Variants in FAM135B observed in about 807,000 individuals in gnomAD.
The protein encoded by FAM135B is family with sequence similarity 135 member B.
FAM135B carries 43 observed loss-of-function variants against 127.7 expected under a neutral mutation model. That is an observed-to-expected ratio of 0.34 (90% CI 0.26 to 0.43). The LOEUF (loss-of-function observed/expected upper bound fraction) is 0.43, where lower values mean the gene tolerates loss of function less well. Among genes scored for constraint, FAM135B ranks in the 20% least tolerant of loss-of-function variants. FAM135B has a pLI of 1.00. For missense variants in FAM135B, 1,558 were observed against 1,725.6 expected (o/e 0.90, Z 1.72); for synonymous variants, 670 against 665.1 (o/e 1.01, Z -0.11).
At chr8:138,187,163 T>C (rs1450538046) in intron 9 of FAM135B, among the ~76,000 whole-genome samples, 1 of 152,232 alleles carries the variant, frequency 6.6e-6, no homozygotes, top group African/African-American at 2.4e-5. Flanking sequence ...TTTCCTTGTA[T>C]GGTATTGTGA....
Position 138,170,755 on chromosome 8 carries a change from T to C in FAM135B, c.1104-2706A>G, listed in dbSNP as rs114402435. The stretch of plus-strand genomic sequence containing the variant: ...TGTGGATTAGAATGACTGGGCTGCC[T>C]CAGGGGTGTCTGTGAGGGTGTCTCT... On this transcript the variant is annotated intron_variant, in intron 11 of 19. Coordinates refer to ENST00000395297, the MANE Select transcript of FAM135B (RefSeq NM_015912.4). Among the ~76,000 whole-genome samples the C allele has an allele frequency of 6.7e-3, 1,027 of 152,282 alleles. 9 individuals are homozygous for C. The highest frequency in any genetic ancestry group is 0.023 in the African/African-American group (943 of 41,570).
intron 3 of FAM135B, among the ~76,000 whole-genome samples, chr8:138,304,464 G>T (rs904755098): frequency 6.6e-6 from 1 of 152,206 alleles, no homozygotes; most frequent in South Asian, 2.1e-4. Flanking sequence ...TGCGAAGGAC[G>T]TTCAGTTGAG....
intron 3 of FAM135B, among the ~76,000 whole-genome samples, chr8:138,297,876 T>C (rs1030431698): frequency 2.6e-5 from 4 of 152,218 alleles, no homozygotes; most frequent in Non-Finnish European, 4.4e-5. Context: ...GCCAGCTGCA[T>C]GGCAGGGCCA....
At chr8:138,378,562 C>T (rs2131273046) in intron 1 of FAM135B, among the ~76,000 whole-genome samples, 1 of 152,356 alleles carries the variant, frequency 6.6e-6, no homozygotes, top group Non-Finnish European at 1.5e-5. Context: ...CCCTCACCAA[C>T]TCTGAGGTTC....
At position 138,152,815 on chromosome 8, in the gene FAM135B, T is replaced by C. The variant is rs1184426819; in HGVS notation, c.1660A>G (p.Ile554Val). 6.2e-7 allele frequency: 1 copy of C among 1,614,178 alleles called. No individual in the cohort carries two copies. Among genetic ancestry groups the C allele is most frequent in the South Asian group, 1.1e-5 (1 of 91,078 alleles). The part of the protein sequence containing the change: ...EDGQAPVLTY[I>V]DVKSSNKNPS... ...TTCTTATTGCTAGATTTTACGTCAA[T>C]GTAGGTCAGCACTGGGGCCTGTCCA... is the stretch of plus-strand genomic sequence containing the variant. The change falls in exon 13 of 20, where the codon ATT becomes GTT. Residue 554 changes from isoleucine to valine, a missense_variant. Physicochemically the swap from Ile to Val is conservative, Grantham distance 29. Transcript: ENST00000395297.
At chr8:138,409,806 C>T (rs534171133) in intron 1 of FAM135B, among the ~76,000 whole-genome samples, 15 of 142,570 alleles carry the variant, frequency 1.1e-4, no homozygotes, top group African/African-American at 3.7e-4. Context: ...ACTCAAGAGG[C>T]GGAGCTTGCA....
intron 3 of FAM135B, among the ~76,000 whole-genome samples, chr8:138,301,537 CT>C (rs1398726382): frequency 6.6e-6 from 1 of 151,854 alleles, no homozygotes; most frequent in Non-Finnish European, 1.5e-5. Context: ...TCCTTTTGTT[CT>C]TTGCTCCGAG....
rs1452132606 is a variant in FAM135B at position 138,405,241 on chromosome 8, T to C, written c.-19-37239A>G. On this transcript the variant is annotated intron_variant, in intron 1 of 19. Coordinates refer to ENST00000395297, the MANE Select transcript of FAM135B (RefSeq NM_015912.4). ...TTTTTTTTCTTCTTATTATTATACT[T>C]TAAGTTTTAGGGTACAAGTGCACAA... Among the ~76,000 whole-genome samples the C allele has an allele frequency of 2.6e-5, 4 of 152,002 alleles. No homozygotes were observed. In the East Asian group the frequency reaches 7.7e-4, roughly 29 times the overall value.
At chr8:138,186,476 C>T (rs932353346) in intron 9 of FAM135B, among the ~76,000 whole-genome samples, 5 of 152,144 alleles carry the variant, frequency 3.3e-5, no homozygotes, top group South Asian at 2.1e-4. Context: ...CAGGAGCTGG[C>T]GATGCTCTAC....
At chr8:138,197,963 T>G (rs1816796180) in intron 7 of FAM135B, among the ~76,000 whole-genome samples, 1 of 152,166 alleles carries the variant, frequency 6.6e-6, no homozygotes, top group Non-Finnish European at 1.5e-5. Context: ...TAACGAATGA[T>G]CATGAAGGTG....
intron 1 of FAM135B, among the ~76,000 whole-genome samples, chr8:138,418,576 C>G (rs1192634595): frequency 6.6e-6 from 1 of 151,886 alleles, no homozygotes; most frequent in African/African-American, 2.4e-5. Context: ...AAAAGGATCT[C>G]CATCAGACTA....
intron 1 of FAM135B, among the ~76,000 whole-genome samples, chr8:138,427,548 C>T (rs894557293): frequency 6.6e-6 from 1 of 151,944 alleles, no homozygotes; most frequent in Non-Finnish European, 1.5e-5. Flanking sequence ...AATTTGAAAA[C>T]TTAACACTGC....
At chr8:138,285,492 G>A (rs1042983504) in intron 3 of FAM135B, among the ~76,000 whole-genome samples, 1 of 152,070 alleles carries the variant, frequency 6.6e-6, no homozygotes, top group Non-Finnish European at 1.5e-5. Flanking sequence ...GGTTCCTTCT[G>A]TAGCGACAGA....
intron 1 of FAM135B, among the ~76,000 whole-genome samples, chr8:138,392,652 G>T (rs944711433): frequency 6.6e-6 from 1 of 152,096 alleles, no homozygotes; most frequent in Admixed American, 6.6e-5. Flanking sequence ...CTCCACCCTT[G>T]AGCTTTGTGA....
At chr8:138,258,777 C>T (rs997774905) in intron 4 of FAM135B, among the ~76,000 whole-genome samples, 6 of 146,496 alleles carry the variant, frequency 4.1e-5, no homozygotes, top group African/African-American at 1.3e-4. Context: ...TGACTTCCTA[C>T]CCCTCCCTTC....
At chr8:138,371,964 C>T (rs1206995934) in intron 1 of FAM135B, among the ~76,000 whole-genome samples, 1 of 152,204 alleles carries the variant, frequency 6.6e-6, no homozygotes, top group Non-Finnish European at 1.5e-5. Context: ...AGACCTTGCC[C>T]TCATGATGCT....
At chr8:138,197,432 A>G (rs2131133863) in intron 8 of FAM135B, 84 bp downstream of exon 8, 1 of 1,511,548 alleles carries the variant, frequency 6.6e-7, no homozygotes, top group Middle Eastern at 1.9e-4. Flanking sequence ...ACATTTACAA[A>G]AGCATGCCAG....
intron 1 of FAM135B, among the ~76,000 whole-genome samples, chr8:138,406,266 A>G (rs1320720716): frequency 6.6e-6 from 1 of 152,140 alleles, no homozygotes; most frequent in Non-Finnish European, 1.5e-5. Flanking sequence ...GGCAATAATC[A>G]ATAGCTTACC....
Position 138,396,890 on chromosome 8 carries a change from G to A in FAM135B, c.-19-28888C>T, listed in dbSNP as rs544770577. On this transcript the variant is annotated intron_variant, in intron 1 of 19. Transcript: ENST00000395297. ...CCTGCTTCTGCTTCAAAGGACACAC[G>A]TGCCCCTAATTATGTATCCATAAGA... is the stretch of plus-strand genomic sequence containing the variant. Among the ~76,000 whole-genome samples the A allele has an allele frequency of 2.1e-4, 32 of 152,236 alleles. 1 individual carries two copies. The highest frequency in any genetic ancestry group is 2.0e-3 in the Admixed American group (31 of 15,292).
Sources: allele counts gnomAD v4.1 joint callset (sites outside exome capture counted in the v4.1 genomes callset), GRCh38; gene constraint gnomAD v4.1.1; transcripts MANE v1.5; gene names NCBI Gene and HGNC (gene_info 2026-07-23, HGNC 2026-07-21).